The following EIF2AK3 variants were observed in gnomAD, a reference collection of about 807,000 sequenced individuals.
The protein encoded by EIF2AK3 is eukaryotic translation initiation factor 2-alpha kinase 3.
In EIF2AK3, 50 loss-of-function variants were observed where a neutral mutation model predicts 113.5. The ratio of observed to expected loss-of-function variants is 0.44; its 90% CI spans 0.35 to 0.56. The LOEUF is 0.56. Among genes scored for constraint, EIF2AK3 ranks in the 20% least tolerant of loss-of-function variants. EIF2AK3 has a pLI of 0.00. For synonymous variants in EIF2AK3, 448 were observed against 495.4 expected, an observed-to-expected ratio of 0.90 and a Z score of 1.27; for missense variants, 1,185 against 1,378.0, an observed-to-expected ratio of 0.86 and a Z score of 2.22.
In EIF2AK3 at chr2:88,596,671, C is replaced by T. The variant is rs150084277; in HGVS notation, c.439-1008G>A. Among the ~76,000 whole-genome samples, 358 of 152,084 alleles carry T rather than the reference C, an allele frequency of 2.4e-3. 1 individual carries two copies. The highest frequency in any genetic ancestry group is 8.1e-3 in the African/African-American group (337 of 41,496). On this transcript the variant is annotated intron_variant, in intron 2 of 16. Coordinates refer to ENST00000303236, the MANE Select transcript of EIF2AK3 (RefSeq NM_004836.7). ...CATACCCATCATGTTTGAAAAACCA[C>T]AAGGAAAGTGAACAGGCTGAGAGGC...
intron 2 of EIF2AK3, among the ~76,000 whole-genome samples, chr2:88,598,840 C>T (rs772271167): frequency 6.6e-6 from 1 of 152,044 alleles, no homozygotes; most frequent in Non-Finnish European, 1.5e-5. Context: ...AGGAAATATA[C>T]ACTGATGTAT....
chr2:88,600,857 C>G (rs1470302182), intron 2 of EIF2AK3, among the ~76,000 whole-genome samples: 4 of 152,130 alleles, frequency 2.6e-5, no homozygotes, highest in African/African-American at 7.2e-5. Flanking sequence ...TTTGATTCTT[C>G]CCTATTTTTC....
At chr2:88,619,888 G>A (rs1267242452) in intron 1 of EIF2AK3, among the ~76,000 whole-genome samples, 8 of 151,248 alleles carry the variant, frequency 5.3e-5, no homozygotes, top group Non-Finnish European at 1.0e-4. Context: ...CCTGGGAGGC[G>A]GAGGTTGCAG....
In EIF2AK3 at chr2:88,574,969, A is replaced by C. The variant is rs764889727; in HGVS notation, c.2514T>G (p.Thr838=). 6.2e-7 allele frequency: 1 copy of C among 1,614,186 alleles called. No individual in the cohort carries two copies. The highest frequency in any genetic ancestry group is 1.1e-5 in the South Asian group (1 of 91,090). ...ATTTGCTACTGGTGGGCTTGAAAGC[A>C]GTTAGTTTATTAGCACAATGGTTGC... ...HIGNHCANKL[T]AFKPTSSKSS... The change falls in exon 13 of 17, where the codon ACT becomes ACG. Residue 838 remains threonine (T), a synonymous_variant. Transcript: ENST00000303236.
At position 88,582,127 on chromosome 2, in the gene EIF2AK3, A is replaced by T. The variant is rs77995734; in HGVS notation, c.1763+1303T>A. ...TCGGCAGGCCTAGAGGTCTTTGTCT[A>T]AGGGAGAGGAACACTTCCACCAGGA... On this transcript the variant is annotated intron_variant, in intron 10 of 16. Coordinates refer to ENST00000303236, the MANE Select transcript of EIF2AK3 (RefSeq NM_004836.7). Among the ~76,000 whole-genome samples the T allele has an allele frequency of 5.3e-5, 8 of 152,186 alleles. No homozygotes were observed. The East Asian group carries it at 1.5e-3, about 29-fold the overall frequency.
chr2:88,618,490 G>A (rs985758843), intron 1 of EIF2AK3, among the ~76,000 whole-genome samples: 9 of 152,260 alleles, frequency 5.9e-5, no homozygotes, highest in African/African-American at 1.9e-4. Flanking sequence ...CTATCTCAGT[G>A]TAACCCAAGT....
chr2:88,564,059 GAA>G (rs1226546348), intron 14 of EIF2AK3, among the ~76,000 whole-genome samples: 1 of 152,130 alleles, frequency 6.6e-6, no homozygotes, highest in Non-Finnish European at 1.5e-5. Context: ...ATGAACGCAT[GAA>G]AAGTTATATT....
At chr2:88,610,410 GC>G (rs1438057304) in intron 2 of EIF2AK3, among the ~76,000 whole-genome samples, 1 of 152,106 alleles carries the variant, frequency 6.6e-6, no homozygotes, top group Non-Finnish European at 1.5e-5. Flanking sequence ...ATTCCACACT[GC>G]AACTAACCTT....
At chr2:88,618,171 A>C (rs1675634007) in intron 1 of EIF2AK3, among the ~76,000 whole-genome samples, 1 of 152,176 alleles carries the variant, frequency 6.6e-6, no homozygotes, top group African/African-American at 2.4e-5. Flanking sequence ...GTTAGAGTGA[A>C]ATGCTGTCTC....
rs74937940 is a variant in EIF2AK3, at chr2:88,581,588, T to G, written c.1763+1842A>C. ...TTTATTTCTCCCAAAGCCTGAAATA[T>G]TGTCCTGCACACAGCTGTTCCGAAT... On this transcript the variant is annotated intron_variant, in intron 10 of 16. Coordinates refer to ENST00000303236, the MANE Select transcript of EIF2AK3 (RefSeq NM_004836.7). 2.8e-3 allele frequency among the ~76,000 whole-genome samples: 421 copies of G among 152,342 alleles called. 4 individuals are homozygous for G. The highest frequency in any genetic ancestry group is 9.8e-3 in the African/African-American group (408 of 41,576).
rs1173200572 is a variant in EIF2AK3, at chr2:88,610,079, G to A, written c.438+3645C>T. On this transcript the variant is annotated intron_variant, in intron 2 of 16. Transcript: ENST00000303236. ...GGAGGCTACTGTGAGCTATGATCACGCCACTGCACTCCAGCCTGGGCAACA... is the reference window on the plus strand; with the variant it reads ...GGAGGCTACTGTGAGCTATGATCACACCACTGCACTCCAGCCTGGGCAACA... 5.9e-5 allele frequency among the ~76,000 whole-genome samples: 9 copies of A among 151,266 alleles called. No homozygotes were observed. In the East Asian group the frequency reaches 9.8e-4, roughly 17 times the overall value.
intron 1 of EIF2AK3, among the ~76,000 whole-genome samples, chr2:88,621,896 A>T (rs1182177797): frequency 1.5e-5 from 2 of 133,282 alleles, no homozygotes; most frequent in Non-Finnish European, 3.1e-5. Context: ...TTATTCTATA[A>T]TTTTTTTTTT....
At chr2:88,586,997 G>C (rs946488045) in intron 8 of EIF2AK3, among the ~76,000 whole-genome samples, 4 of 148,260 alleles carry the variant, frequency 2.7e-5, no homozygotes, top group African/African-American at 9.9e-5. Flanking sequence ...ACAAGGTCAG[G>C]AGTTCGAGAA....
At chr2:88,602,465 C>T (rs1306000701) in intron 2 of EIF2AK3, among the ~76,000 whole-genome samples, 1 of 151,830 alleles carries the variant, frequency 6.6e-6, no homozygotes, top group Non-Finnish European at 1.5e-5. Context: ...TGGCAAGATG[C>T]AGACTCACTG....
In EIF2AK3 at chr2:88,562,296, C is replaced by G. The variant is rs1369407813; in HGVS notation, c.3080G>C (p.Arg1027Thr). 3.7e-6 allele frequency: 6 copies of G among 1,613,578 alleles called. No individual in the cohort carries two copies. The highest frequency in any genetic ancestry group is 5.1e-6 in the Non-Finnish European group (6 of 1,179,540). Residue 1027 changes from arginine to threonine, a missense_variant, in exon 15 of 17, where the codon AGA (arginine) becomes ACA (threonine). Coordinates refer to ENST00000303236, the MANE Select transcript of EIF2AK3 (RefSeq NM_004836.7). ...AGTAGGGAGGGTACTTACCCTGACT[C>G]TCTCCATCTGAGTGCTGAATGGATA... ...LLYPFSTQME[R>T]VRTLTDVRNL...
chr2:88,590,727 A>G (rs1487133599), intron 5 of EIF2AK3, 91 bp downstream of exon 5: 6 of 1,564,778 alleles, frequency 3.8e-6, no homozygotes, highest in Non-Finnish European at 5.3e-6. Flanking sequence ...GAGAGCCCCA[A>G]GTAGTAGTAA....
chr2:88,588,143 T>C, intron 7 of EIF2AK3, 39 bp from the exon 8 acceptor site: 1 of 1,332,420 alleles, frequency 7.5e-7, no homozygotes, highest in Non-Finnish European at 1.0e-6. Context: ...ATAATATTTC[T>C]TAAGTCTGAA....
chr2:88,605,998 A>T lies in EIF2AK3; in HGVS notation c.438+7726T>A, dbSNP rs146888466. ...TATTAGTCAGATTGCATCCCAAGTGATATGCTATATGCTTAAATGTTGAGA... is the reference window on the plus strand; with the variant it reads ...TATTAGTCAGATTGCATCCCAAGTGTTATGCTATATGCTTAAATGTTGAGA... On this transcript the variant is annotated intron_variant, in intron 2 of 16. Coordinates refer to ENST00000303236, the MANE Select transcript of EIF2AK3 (RefSeq NM_004836.7). 1.1e-3 allele frequency among the ~76,000 whole-genome samples: 174 copies of T among 152,294 alleles called. 1 individual carries two copies. Among genetic ancestry groups the T allele is most frequent in the African/African-American group, 3.9e-3 (164 of 41,562 alleles).
chr2:88,616,504 G>T (rs574042469), intron 1 of EIF2AK3, among the ~76,000 whole-genome samples: 1 of 152,146 alleles, frequency 6.6e-6, no homozygotes, highest in Non-Finnish European at 1.5e-5. Flanking sequence ...TCGGCTCACT[G>T]CAACCTCCGC....
Sources: allele counts gnomAD v4.1 joint callset (sites outside exome capture counted in the v4.1 genomes callset), GRCh38; gene constraint gnomAD v4.1.1; transcripts MANE v1.5; gene names NCBI Gene and HGNC (gene_info 2026-07-23, HGNC 2026-07-21).